KCMF1: variants seen among roughly 807,000 people sequenced by gnomAD.
KCMF1 encodes potassium channel modulatory factor 1, also known as E3 ubiquitin-protein ligase KCMF1.
In KCMF1, 3 loss-of-function variants were observed where a neutral mutation model predicts 41.1. The ratio of observed to expected loss-of-function variants is 0.07; its 90% CI spans 0.03 to 0.19. The LOEUF is 0.19. KCMF1 is among the 10% of genes least tolerant of loss of function. KCMF1 has a pLI of 1.00. For synonymous variants in KCMF1, 142 were observed against 164.5 expected (o/e 0.86, Z 1.04); for missense variants, 286 against 488.9 (o/e 0.58, Z 3.91).
intron 1 of KCMF1, among the ~76,000 whole-genome samples, chr2:85,011,913 A>G (rs1280951086): frequency 1.3e-5 from 2 of 152,180 alleles, no homozygotes; most frequent in African/African-American, 4.8e-5. Context: ...TCCCGCTAAT[A>G]GTTAGAACTG....
At chr2:84,999,162 T>C (rs1227715647) in intron 1 of KCMF1, among the ~76,000 whole-genome samples, 1 of 151,418 alleles carries the variant, frequency 6.6e-6, no homozygotes, top group East Asian at 2.0e-4. Flanking sequence ...TATTTATTTA[T>C]ATATCTGAGA....
chr2:85,029,195 C>CTGACG, intron 2 of KCMF1, among the ~76,000 whole-genome samples: 1 of 151,840 alleles, frequency 6.6e-6, no homozygotes, highest in South Asian at 2.1e-4. Context: ...TGGTCTTGAC[C>CTGACG]TCAAGTTATC....
At chr2:84,975,456 A>G (rs1237110188) in intron 1 of KCMF1, among the ~76,000 whole-genome samples, 2 of 152,152 alleles carry the variant, frequency 1.3e-5, no homozygotes, top group African/African-American at 4.8e-5. Flanking sequence ...TTTCAGCAGC[A>G]CCATGAGGAA....
At chr2:85,007,442 G>A (rs1169839431) in intron 1 of KCMF1, among the ~76,000 whole-genome samples, 1 of 152,214 alleles carries the variant, frequency 6.6e-6, no homozygotes, top group Admixed American at 6.5e-5. Flanking sequence ...CATATATGGA[G>A]CGTTTAGCAG....
At chr2:84,984,222 A>G (rs1258733141) in intron 1 of KCMF1, among the ~76,000 whole-genome samples, 1 of 152,006 alleles carries the variant, frequency 6.6e-6, no homozygotes, top group Non-Finnish European at 1.5e-5. Flanking sequence ...TAAATAAATA[A>G]TAGAAGTTTC....
chr2:85,008,347 A>ATTATATATCATATTATATATT (rs372126026), intron 1 of KCMF1, among the ~76,000 whole-genome samples: 230 of 7,272 alleles, frequency 0.032, 12 homozygotes, highest in African/African-American at 0.04. Flanking sequence ...TATGATATAT[A>ATTATATATCATATTATATATT]ATATATAATA....
chr2:84,999,735 T>G (rs934884788), intron 1 of KCMF1, among the ~76,000 whole-genome samples: 7 of 152,216 alleles, frequency 4.6e-5, no homozygotes, highest in Admixed American at 6.5e-5. Context: ...TTTTGTTTGA[T>G]GTAGGGATAA....
At chr2:85,006,165 C>G (rs1298668844) in intron 1 of KCMF1, among the ~76,000 whole-genome samples, 3 of 151,834 alleles carry the variant, frequency 2.0e-5, no homozygotes, top group Non-Finnish European at 2.9e-5. Flanking sequence ...GTTTATGGAA[C>G]CTTTTGCCAA....
At chr2:85,024,603 T>C (rs574667843) in intron 1 of KCMF1, among the ~76,000 whole-genome samples, 4 of 151,856 alleles carry the variant, frequency 2.6e-5, no homozygotes, top group African/African-American at 9.7e-5. Flanking sequence ...TGTGTGTGTG[T>C]GTGCGCGTGT....
chr2:84,997,626 C>T (rs1317850007), intron 1 of KCMF1, among the ~76,000 whole-genome samples: 1 of 152,022 alleles, frequency 6.6e-6, no homozygotes, highest in Non-Finnish European at 1.5e-5. Context: ...GCATGAGGTA[C>T]CTTGTAAAAT....
intron 6 of KCMF1, among the ~76,000 whole-genome samples, chr2:85,050,673 A>G (rs1014876454): frequency 2.0e-5 from 3 of 152,368 alleles, no homozygotes; most frequent in Non-Finnish European, 4.4e-5. Flanking sequence ...GCAGAGAGGA[A>G]CATAAAGGAA....
At chr2:85,027,867 A>C (rs1362541757) in intron 1 of KCMF1, 22 bp from the exon 2 acceptor site, 12 of 1,545,352 alleles carry the variant, frequency 7.8e-6, no homozygotes, top group Non-Finnish European at 1.1e-5. Flanking sequence ...CTGGTAACTA[A>C]AGATATTTCT....
intron 1 of KCMF1, among the ~76,000 whole-genome samples, chr2:85,013,627 G>A (rs546787620): frequency 1.3e-5 from 2 of 151,868 alleles, no homozygotes; most frequent in Non-Finnish European, 2.9e-5. Context: ...GTGAAACCCC[G>A]TCTCTACTAA....
intron 1 of KCMF1, among the ~76,000 whole-genome samples, chr2:84,977,760 T>C (rs1464759722): frequency 6.6e-6 from 1 of 152,142 alleles, no homozygotes; most frequent in Non-Finnish European, 1.5e-5. Context: ...ACATTTACCT[T>C]GACTTTCAAT....
At chr2:85,043,519 T>G (rs1295192644) in intron 3 of KCMF1, 45 bp from the exon 4 acceptor site, 2 of 1,090,146 alleles carry the variant, frequency 1.8e-6, no homozygotes, top group African/African-American at 3.1e-5. Flanking sequence ...AAAGATGTCT[T>G]ATTGACGTTC....
At chr2:84,973,127 A>G (rs780745609) in intron 1 of KCMF1, among the ~76,000 whole-genome samples, 7 of 152,340 alleles carry the variant, frequency 4.6e-5, no homozygotes, top group South Asian at 2.1e-4. Flanking sequence ...AATGGCTGCA[A>G]GCTCTCTTAC....
intron 1 of KCMF1, among the ~76,000 whole-genome samples, chr2:84,992,942 C>T (rs1674079351): frequency 1.3e-5 from 2 of 152,100 alleles, no homozygotes; most frequent in African/African-American, 4.8e-5. Flanking sequence ...GTGTATAATC[C>T]CAGCACTTTG....
intron 1 of KCMF1, among the ~76,000 whole-genome samples, chr2:85,018,134 C>T (rs941775236): frequency 1.3e-5 from 2 of 152,192 alleles, no homozygotes; most frequent in African/African-American, 4.8e-5. Context: ...TTTCATTTAT[C>T]TTGCTAGGTG....
In KCMF1 at chr2:85,018,295, G is replaced by A. The variant is rs550199997; in HGVS notation, c.17-9594G>A. 3.7e-3 allele frequency among the ~76,000 whole-genome samples: 505 copies of A among 135,396 alleles called. 1 individual carries two copies. Among genetic ancestry groups the A allele is most frequent in the African/African-American group, 0.013 (476 of 36,564 alleles). The allele number at this position is 135,396 out of a possible 152,430, so 88.8% of individuals were successfully genotyped here. A position where few individuals can be genotyped will look rare whatever the true frequency, so the allele number is the denominator to read the frequency against. ...TTTTTTTTTTTTTTTTTTTTGAGAC[G>A]GAGTCCCGCTCTGTCACCAGACTGG... On this transcript the variant is annotated intron_variant, in intron 1 of 6. Transcript: ENST00000409785.
Sources: allele counts gnomAD v4.1 joint callset (sites outside exome capture counted in the v4.1 genomes callset), GRCh38; gene constraint gnomAD v4.1.1; transcripts MANE v1.5; gene names NCBI Gene and HGNC (gene_info 2026-07-23, HGNC 2026-07-21).